TMEM74: variants seen among roughly 807,000 people sequenced by gnomAD.
TMEM74 encodes the protein transmembrane protein 74.
In TMEM74, 13 loss-of-function variants were observed where a neutral mutation model predicts 18.1. That is an observed-to-expected ratio of 0.72 (90% confidence interval 0.47 to 1.14). TMEM74 has a LOEUF of 1.14. TMEM74 is among the 50% of genes most tolerant of loss of function. The pLI, the probability that TMEM74 is intolerant of heterozygous loss-of-function variation, is 0.00. For synonymous variants in TMEM74, 159 were observed against 146.6 expected (o/e 1.08, Z -0.61); for missense variants, 372 against 375.9 (o/e 0.99, Z 0.09).
At chr8:108,678,195 G>C (rs984089758) in intron 1 of TMEM74, among the ~76,000 whole-genome samples, 5 of 151,994 alleles carry the variant, frequency 3.3e-5, no homozygotes, top group African/African-American at 1.2e-4. Flanking sequence ...TCACACAGGA[G>C]AAATTCTTAT....
intron 2 of TMEM74, among the ~76,000 whole-genome samples, chr8:108,626,405 G>A (rs896751929): frequency 1.3e-5 from 2 of 152,026 alleles, no homozygotes; most frequent in Non-Finnish European, 2.9e-5. Flanking sequence ...CAAAAGCCTA[G>A]AGAGATACCT....
chr8:108,748,081 T>C (rs1813868443), intron 1 of TMEM74, among the ~76,000 whole-genome samples: 1 of 152,170 alleles, frequency 6.6e-6, no homozygotes, highest in East Asian at 1.9e-4. Flanking sequence ...ATATAACCAG[T>C]AATGGGATTG....
At chr8:108,772,838 T>C (rs1027417834) in intron 1 of TMEM74, among the ~76,000 whole-genome samples, 3 of 152,116 alleles carry the variant, frequency 2.0e-5, no homozygotes, top group African/African-American at 7.2e-5. Context: ...ATTTCTATGA[T>C]AAGTCTAACT....
intron 2 of TMEM74, among the ~76,000 whole-genome samples, chr8:108,611,331 A>G (rs1011629099): frequency 7.9e-5 from 12 of 152,196 alleles, no homozygotes; most frequent in African/African-American, 2.4e-4. Context: ...AAGAACAATA[A>G]ATCTGAATCA....
chr8:108,782,116 C>G lies in TMEM74; in HGVS notation c.*2065G>C, dbSNP rs937565334. On this transcript the variant is annotated 3_prime_UTR_variant, in exon 2 of 2. Transcript: ENST00000297459. ...TGCCTTCTTTTTTTAACACACAGCT[C>G]AGACCTACTCACTCAGCAGATCGTT... is the stretch of plus-strand genomic sequence containing the variant. 6.6e-6 allele frequency among the ~76,000 whole-genome samples: 1 copy of G among 152,042 alleles called. No individual in the cohort carries two copies. Among genetic ancestry groups the G allele is most frequent in the Admixed American group, 6.5e-5 (1 of 15,270 alleles).
At chr8:108,693,398 A>G (rs1161335452) in intron 1 of TMEM74, among the ~76,000 whole-genome samples, 2 of 152,246 alleles carry the variant, frequency 1.3e-5, no homozygotes, top group East Asian at 3.8e-4. Context: ...CAATCTCCGT[A>G]TCTACTTTCA....
rs146282697 is a variant in TMEM74 at position 108,666,316 on chromosome 8, G to A, written n.120-10879C>T. Among the ~76,000 whole-genome samples, 51 of 152,260 alleles carry A rather than the reference G, an allele frequency of 3.3e-4. 1 individual carries two copies. In the East Asian group the frequency reaches 9.4e-3, roughly 28 times the overall value. ...TTGCTTAAAAGCTAATCATTGCTTA[G>A]GAGCCACAGTAACTACGAGTTGAGT... On this transcript the variant is annotated intron_variant and non_coding_transcript_variant, in intron 1 of 3. Coordinates refer to the TMEM74 transcript ENST00000518838.
chr8:108,680,771 C>A (rs1042731854), intron 1 of TMEM74, among the ~76,000 whole-genome samples: 4 of 152,144 alleles, frequency 2.6e-5, no homozygotes. Context: ...AAAACCCCAT[C>A]GTCTTAGCCC....
intron 2 of TMEM74, among the ~76,000 whole-genome samples, chr8:108,631,837 CTTTTG>C (rs1241883462): frequency 6.6e-6 from 1 of 151,946 alleles, no homozygotes; most frequent in Non-Finnish European, 1.5e-5. Context: ...AATGTTTCTA[CTTTTG>C]TTTTGACCAA....
chr8:108,785,197 AGTGTT>A, intron 1 of TMEM74, 60 bp from the exon 2 acceptor site: 10 of 1,340,104 alleles, frequency 7.5e-6, no homozygotes, highest in East Asian at 2.4e-5. Flanking sequence ...TACTTCCAGG[AGTGTT>A]GCTCCTGGGG....
At chr8:108,625,254 A>G (rs1057005733) in intron 2 of TMEM74, among the ~76,000 whole-genome samples, 8 of 152,116 alleles carry the variant, frequency 5.3e-5, no homozygotes, top group African/African-American at 1.9e-4. Context: ...CACATGTGAA[A>G]GGGTAGGAAT....
intron 2 of TMEM74, among the ~76,000 whole-genome samples, chr8:108,637,128 A>G (rs1166744977): frequency 6.6e-6 from 1 of 152,052 alleles, no homozygotes; most frequent in Admixed American, 6.6e-5. Flanking sequence ...TATATTCTCT[A>G]ATTTGAGGGT....
intron 1 of TMEM74, among the ~76,000 whole-genome samples, chr8:108,748,269 A>G (rs1169110007): frequency 6.6e-6 from 1 of 152,186 alleles, no homozygotes; most frequent in Non-Finnish European, 1.5e-5. Flanking sequence ...GACTGGCATG[A>G]GACGGTATCT....
chr8:108,702,988 G>C (rs1235876519), intron 1 of TMEM74, among the ~76,000 whole-genome samples: 1 of 151,896 alleles, frequency 6.6e-6, no homozygotes, highest in Non-Finnish European at 1.5e-5. Flanking sequence ...TCCCTAGAGA[G>C]AGCACTGGAA....
intron 2 of TMEM74, among the ~76,000 whole-genome samples, chr8:108,613,417 A>G (rs147670371): frequency 1.1e-4 from 17 of 152,370 alleles, no homozygotes; most frequent in African/African-American, 3.8e-4. Flanking sequence ...AAGATCAGGA[A>G]TATCCAATCA....
At chr8:108,756,434 G>A (rs2130656303) in intron 1 of TMEM74, among the ~76,000 whole-genome samples, 1 of 151,224 alleles carries the variant, frequency 6.6e-6, no homozygotes, top group African/African-American at 2.4e-5. Flanking sequence ...TAACACCACT[G>A]TCTCTTACGC....
In TMEM74 at chr8:108,750,029, G is replaced by A. The variant is rs145453512; in HGVS notation, n.119+37447C>T. ...GGACTCTGATCCTAGCTCTCTGTTC[G>A]CTAATTACTACTGGTATCTGTTAAC... On this transcript the variant is annotated intron_variant and non_coding_transcript_variant, in intron 1 of 3. Coordinates refer to the TMEM74 transcript ENST00000518838. Among the ~76,000 whole-genome samples, 761 of 152,104 alleles carry A rather than the reference G, an allele frequency of 5.0e-3. 6 individuals carry two copies. Among genetic ancestry groups the A allele is most frequent in the African/African-American group, 0.016 (655 of 41,490 alleles).
intron 1 of TMEM74, among the ~76,000 whole-genome samples, chr8:108,678,235 A>G (rs1365493241): frequency 1.3e-5 from 2 of 152,238 alleles, no homozygotes; most frequent in East Asian, 1.9e-4. Context: ...GCAGATAACA[A>G]AAATAATGGA....
At chr8:108,718,159 C>T (rs1324830937) in intron 1 of TMEM74, among the ~76,000 whole-genome samples, 1 of 79,328 alleles carries the variant, frequency 1.3e-5, no homozygotes, top group East Asian at 7.7e-4. Flanking sequence ...GGGGTTTCAC[C>T]ATTTTAGCCG....
Sources: allele counts gnomAD v4.1 joint callset (sites outside exome capture counted in the v4.1 genomes callset), GRCh38; gene constraint gnomAD v4.1.1; transcripts MANE v1.5; gene names NCBI Gene and HGNC (gene_info 2026-07-23, HGNC 2026-07-21).